KCTD16: variants seen among roughly 807,000 people sequenced by gnomAD.
KCTD16 encodes the protein potassium channel tetramerization domain containing 16, also known as BTB/POZ domain-containing protein KCTD16.
Under a neutral mutation model 33.2 loss-of-function variants are expected in KCTD16, and 13 were observed. The observed-to-expected ratio is 0.39, with a 90% CI of 0.25 to 0.62. KCTD16 has a LOEUF of 0.62. Among genes scored for constraint, KCTD16 ranks in the 20% least tolerant of loss-of-function variants. The pLI, the probability that KCTD16 is intolerant of heterozygous loss-of-function variation, is 0.50. For synonymous variants in KCTD16, 197 were observed against 195.3 expected (o/e 1.01, Z -0.07); for missense variants, 441 against 525.1 (o/e 0.84, Z 1.57).
Position 144,209,706 on chromosome 5 carries a change from A to T in KCTD16, c.832+2160A>T, listed in dbSNP as rs544476764. Among the ~76,000 whole-genome samples, 13 of 151,396 alleles carry T rather than the reference A, an allele frequency of 8.6e-5. No individual in the cohort carries two copies. The South Asian group carries it at 2.7e-3, about 32-fold the overall frequency. ...CGGGTTAATGGGACGAAACCATGGG[A>T]GATGCTCTAAAGAAGGGAGTTGGCT... On this transcript the variant is annotated intron_variant, in intron 3 of 3. Coordinates refer to ENST00000512467, the MANE Select transcript of KCTD16 (RefSeq NM_020768.4).
intron 3 of KCTD16, among the ~76,000 whole-genome samples, chr5:144,363,286 G>A (rs981860820): frequency 3.3e-5 from 5 of 152,154 alleles, no homozygotes; most frequent in African/African-American, 9.7e-5. Flanking sequence ...AGGCTGCAGT[G>A]AGCCAAGATC....
chr5:144,427,338 T>A (rs1372679632), intron 3 of KCTD16, among the ~76,000 whole-genome samples: 1 of 151,964 alleles, frequency 6.6e-6, no homozygotes, highest in Non-Finnish European at 1.5e-5. Flanking sequence ...TCAATAGACA[T>A]TCCTACTTTA....
intron 3 of KCTD16, chr5:144,385,294 AAT>A (rs1319594593): frequency 3.9e-5 from 6 of 152,204 alleles, no homozygotes; most frequent in African/African-American, 1.4e-4. Flanking sequence ...ATTGTTGCAT[AAT>A]GTCCACAAAT....
intron 3 of KCTD16, among the ~76,000 whole-genome samples, chr5:144,457,738 C>T (rs1181050796): frequency 6.6e-6 from 1 of 152,198 alleles, no homozygotes; most frequent in African/African-American, 2.4e-5. Flanking sequence ...AAAATGTTTT[C>T]ATGACAGTCT....
rs375870014 is a variant in KCTD16, at chr5:144,476,422, A to G, written c.*2308A>G. 6.6e-6 allele frequency: 1 copy of G among 152,190 alleles called. No homozygotes were observed. The highest frequency in any genetic ancestry group is 1.9e-4 in the East Asian group (1 of 5,190). 9.4% of individuals were successfully genotyped at this position (152,190 alleles called of 1,614,324 possible). A position where few individuals can be genotyped will look rare whatever the true frequency, so the allele number is the denominator to read the frequency against. ...ACATTCTTTAAACAGGAAATTAAAC[A>G]CTGCAAAAGGAGTGTTCGTGGCAGT... On this transcript the variant is annotated 3_prime_UTR_variant, in exon 4 of 4. Transcript: ENST00000512467.
intron 3 of KCTD16, among the ~76,000 whole-genome samples, chr5:144,209,179 G>A (rs989103198): frequency 1.3e-5 from 2 of 152,070 alleles, no homozygotes; most frequent in Non-Finnish European, 2.9e-5. Context: ...CCAAATAAAT[G>A]GAAACATACC....
chr5:144,233,257 G>A (rs1754158791), intron 3 of KCTD16, among the ~76,000 whole-genome samples: 1 of 151,996 alleles, frequency 6.6e-6, no homozygotes, highest in South Asian at 2.1e-4. Context: ...TTGTTGTTAT[G>A]GTAGGCACCA....
chr5:144,306,204 C>T (rs956592346), intron 3 of KCTD16, among the ~76,000 whole-genome samples: 10 of 152,242 alleles, frequency 6.6e-5, no homozygotes, highest in African/African-American at 2.4e-4. Flanking sequence ...CGTTCTAGGG[C>T]TTGAGCAGAG....
At chr5:144,237,535 G>C (rs770806673) in intron 3 of KCTD16, among the ~76,000 whole-genome samples, 2 of 151,890 alleles carry the variant, frequency 1.3e-5, no homozygotes, top group African/African-American at 2.4e-5. Context: ...ATTTCTCATG[G>C]TTTTTTGGAC....
intron 3 of KCTD16, among the ~76,000 whole-genome samples, chr5:144,374,244 A>T (rs1010022547): frequency 1.3e-5 from 2 of 152,238 alleles, no homozygotes; most frequent in African/African-American, 2.4e-5. Flanking sequence ...TCAGTAAAAA[A>T]GATTAATATT....
At chr5:144,380,607 T>G (rs1326248024) in intron 3 of KCTD16, among the ~76,000 whole-genome samples, 1 of 152,132 alleles carries the variant, frequency 6.6e-6, no homozygotes, top group Admixed American at 6.6e-5. Flanking sequence ...GAGGCTCCAG[T>G]TACCAAAACA....
chr5:144,290,651 CAG>C (rs1755871829), intron 3 of KCTD16, among the ~76,000 whole-genome samples: 1 of 152,168 alleles, frequency 6.6e-6, no homozygotes, highest in Non-Finnish European at 1.5e-5. Context: ...CCCTTATTGA[CAG>C]ATATCAAAAT....
At chr5:144,433,641 T>A (rs1398693197) in intron 3 of KCTD16, among the ~76,000 whole-genome samples, 1 of 152,200 alleles carries the variant, frequency 6.6e-6, no homozygotes, top group Non-Finnish European at 1.5e-5. Context: ...AAAACCAGCA[T>A]GTGATGTCAC....
At chr5:144,441,080 A>G (rs1753696307) in intron 3 of KCTD16, among the ~76,000 whole-genome samples, 1 of 152,114 alleles carries the variant, frequency 6.6e-6, no homozygotes, top group Admixed American at 6.6e-5. Flanking sequence ...CTTTGGATCT[A>G]TTCGGATCCT....
At chr5:144,380,586 A>G (rs1253245473) in intron 3 of KCTD16, among the ~76,000 whole-genome samples, 2 of 152,158 alleles carry the variant, frequency 1.3e-5, no homozygotes, top group Non-Finnish European at 2.9e-5. Flanking sequence ...CTCAACTTCA[A>G]ACTACATTAT....
At chr5:144,345,577 C>T (rs760474997) in intron 3 of KCTD16, among the ~76,000 whole-genome samples, 14 of 151,926 alleles carry the variant, frequency 9.2e-5, no homozygotes, top group East Asian at 3.9e-4. Flanking sequence ...AGATATTTAC[C>T]GAGTACCTAT....
chr5:144,403,702 AT>A (rs1368688357), intron 3 of KCTD16, among the ~76,000 whole-genome samples: 2 of 152,228 alleles, frequency 1.3e-5, no homozygotes, highest in African/African-American at 4.8e-5. Context: ...AAGACAATAT[AT>A]TCACAGATTC....
chr5:144,318,485 T>C (rs1751985193), intron 3 of KCTD16, among the ~76,000 whole-genome samples: 1 of 152,202 alleles, frequency 6.6e-6, no homozygotes, highest in Admixed American at 6.5e-5. Flanking sequence ...CATAATGTGA[T>C]TCTTAGGGTG....
chr5:144,358,303 G>T (rs575766799), intron 3 of KCTD16, among the ~76,000 whole-genome samples: 35 of 152,216 alleles, frequency 2.3e-4, no homozygotes, highest in Admixed American at 2.0e-3. Flanking sequence ...AATTTATAGG[G>T]ATTGGACATA....
Sources: gnomAD v4.1 joint callset for allele counts (sites outside exome capture counted in the v4.1 genomes callset) on GRCh38, gnomAD v4.1.1 for gene constraint, MANE v1.5 for transcripts, NCBI Gene and HGNC (gene_info 2026-07-23, HGNC 2026-07-21) for gene names.